ZFHX4: variants seen among roughly 807,000 people sequenced by gnomAD.
ZFHX4 encodes zinc finger homeobox protein 4.
A neutral mutation model predicts 267.6 loss-of-function variants in ZFHX4; 56 were observed. The ratio of observed to expected loss-of-function variants is 0.21; its 90% confidence interval spans 0.17 to 0.26. The LOEUF (loss-of-function observed/expected upper bound fraction) is 0.26, where lower values mean the gene tolerates loss of function less well. ZFHX4 is among the 10% of genes least tolerant of loss of function. ZFHX4 has a pLI of 1.00. For synonymous variants in ZFHX4, 1,778 were observed against 1,665.6 expected (o/e 1.07, Z -1.64); for missense variants, 4,332 against 4,420.0 (o/e 0.98, Z 0.56).
intron 3 of ZFHX4, among the ~76,000 whole-genome samples, chr8:76,746,629 T>C (rs1360381356): frequency 6.6e-6 from 1 of 152,214 alleles, no homozygotes; most frequent in Non-Finnish European, 1.5e-5. Flanking sequence ...TCTGTTCAGA[T>C]TGTGTAAAAT....
At chr8:76,791,960 A>T (rs1357436740) in intron 4 of ZFHX4, among the ~76,000 whole-genome samples, 5 of 152,184 alleles carry the variant, frequency 3.3e-5, no homozygotes, top group African/African-American at 7.2e-5. Flanking sequence ...CTATACAACC[A>T]TGAAACCTTT....
intron 4 of ZFHX4, among the ~76,000 whole-genome samples, chr8:76,809,927 C>T (rs1317930676): frequency 6.6e-6 from 1 of 152,000 alleles, no homozygotes; most frequent in East Asian, 1.9e-4. Flanking sequence ...TATTTTTATT[C>T]CGAAGACCCA....
intron 3 of ZFHX4, among the ~76,000 whole-genome samples, chr8:76,764,469 A>G (rs1486330965): frequency 1.3e-5 from 2 of 152,310 alleles, no homozygotes; most frequent in East Asian, 3.9e-4. Context: ...GGATGATTAA[A>G]CATTGGTACA....
chr8:76,724,683 CTTTTGGTAAA>C (rs1258149113), intron 3 of ZFHX4, among the ~76,000 whole-genome samples: 1 of 152,010 alleles, frequency 6.6e-6, no homozygotes, highest in African/African-American at 2.4e-5. Flanking sequence ...GTAAGAATAT[CTTTTGGTAAA>C]TTTTTGGAAT....
chr8:76,840,779 G>C (rs1451658657), intron 5 of ZFHX4, among the ~76,000 whole-genome samples: 3 of 152,094 alleles, frequency 2.0e-5, no homozygotes, highest in Admixed American at 6.5e-5. Context: ...CATAGGTCGC[G>C]AACTAGAGAT....
chr8:76,770,602 A>G (rs1029500674), intron 3 of ZFHX4, among the ~76,000 whole-genome samples: 1 of 152,174 alleles, frequency 6.6e-6, no homozygotes, highest in Admixed American at 6.5e-5. Context: ...AGTCTGGGAG[A>G]GAATGCAATC....
chr8:76,691,074 A>G (rs1807812229), intron 1 of ZFHX4, among the ~76,000 whole-genome samples: 1 of 152,100 alleles, frequency 6.6e-6, no homozygotes, highest in Non-Finnish European at 1.5e-5. Flanking sequence ...CTCTAGGACC[A>G]GTGGTCACTC....
chr8:76,731,790 G>A (rs982051324), intron 3 of ZFHX4, among the ~76,000 whole-genome samples: 2 of 151,362 alleles, frequency 1.3e-5, no homozygotes, highest in Non-Finnish European at 2.9e-5. Flanking sequence ...ACTAATTTTA[G>A]CTAGCATCTT....
chr8:76,780,499 C>T (rs2131778267), intron 4 of ZFHX4, among the ~76,000 whole-genome samples: 1 of 152,178 alleles, frequency 6.6e-6, no homozygotes, highest in South Asian at 2.1e-4. Context: ...TTTTATAAGT[C>T]CCTTGCTAAT....
intron 3 of ZFHX4, among the ~76,000 whole-genome samples, chr8:76,770,189 A>G (rs1285037479): frequency 2.0e-5 from 3 of 152,192 alleles, no homozygotes; most frequent in Non-Finnish European, 4.4e-5. Flanking sequence ...AACAAATTCT[A>G]TCTAGACATC....
Position 76,849,371 on chromosome 8 carries a change from A to G in ZFHX4, c.3646-141A>G, listed in dbSNP as rs910259079. 21 of 866,108 alleles carry G rather than the reference A, an allele frequency of 2.4e-5. No individual in the cohort carries two copies. In the African/African-American group the frequency reaches 3.0e-4, roughly 12 times the overall value. 53.7% of individuals were successfully genotyped at this position (866,108 alleles called of 1,614,324 possible). A position where few individuals can be genotyped will look rare whatever the true frequency, so the allele number is the denominator to read the frequency against. On this transcript the variant is annotated intron_variant, in intron 7 of 10. Transcript: ENST00000651372. ...AAATAGTGAATGTCTGAGGTGATGG[A>G]TATCCCATTTACCCTGATTTGATTA...
chr8:76,806,928 C>G (rs1253986903), intron 4 of ZFHX4, among the ~76,000 whole-genome samples: 1 of 151,968 alleles, frequency 6.6e-6, no homozygotes, highest in Non-Finnish European at 1.5e-5. Flanking sequence ...AGTGCTTAAG[C>G]CAATTGTTAC....
chr8:76,854,517 CA>C lies in ZFHX4; in HGVS notation c.7597del (p.Met2533TrpfsTer6). On this transcript the variant is annotated frameshift_variant, in exon 10 of 11. Coordinates refer to ENST00000651372, the MANE Select transcript of ZFHX4 (RefSeq NM_024721.5). LOFTEE classifies it high-confidence loss of function. ...TTCACTCTCCGTTCTTGGAAAGGCC[CA>C]TGGACATGCCCTACATGATATTTGA... ...FLHSPFLERP[M>X]DMPYMIFDPN... The C allele has an allele frequency of 6.2e-7, 1 of 1,613,818 alleles. No individual in the cohort carries two copies. The highest frequency in any genetic ancestry group is 8.5e-7 in the Non-Finnish European group (1 of 1,179,864).
chr8:76,769,579 T>C lies in ZFHX4; in HGVS notation c.3094-8629T>C, dbSNP rs576762385. Among the ~76,000 whole-genome samples, 35 of 152,284 alleles carry C rather than the reference T, an allele frequency of 2.3e-4. No homozygotes were observed. In the East Asian group the frequency reaches 6.8e-3, roughly 29 times the overall value. On this transcript the variant is annotated intron_variant, in intron 3 of 10. Transcript: ENST00000651372. The stretch of plus-strand genomic sequence containing the variant: ...TTAGCCCAGGCTGGTCTTGAATTCC[T>C]GGGCTCAAGCCATCTGCCTGCCTCA...
At position 76,855,033 on chromosome 8, in the gene ZFHX4, G is replaced by A. The variant is rs763284874; in HGVS notation, c.8112G>A (p.Gln2704=). ...CTCGGCACTGGAATGAAGGAAAGCA[G>A]GCAGGTTACAGCTTGCCACCAAGCC... The part of the protein sequence containing the change: ...IRSRHWNEGK[Q]AGYSLPPSPL... Residue 2704 remains glutamine, a synonymous_variant, in exon 10 of 11, where the codon CAG becomes CAA. Coordinates refer to ENST00000651372, the MANE Select transcript of ZFHX4 (RefSeq NM_024721.5). 3.1e-6 allele frequency: 5 copies of A among 1,613,828 alleles called. No homozygotes were observed. In the African/African-American group the frequency reaches 6.7e-5, roughly 22 times the overall value.
chr8:76,754,826 A>G (rs987049277), intron 3 of ZFHX4, among the ~76,000 whole-genome samples: 7 of 152,164 alleles, frequency 4.6e-5, no homozygotes, highest in Non-Finnish European at 7.3e-5. Flanking sequence ...TATATTCATT[A>G]ACCAACCTCT....
At chr8:76,747,805 A>G (rs1294131915) in intron 3 of ZFHX4, among the ~76,000 whole-genome samples, 1 of 151,906 alleles carries the variant, frequency 6.6e-6, no homozygotes, top group East Asian at 1.9e-4. Flanking sequence ...GGTGGCAAGC[A>G]CCTGTAAACC....
intron 3 of ZFHX4, among the ~76,000 whole-genome samples, chr8:76,746,906 G>A (rs976158430): frequency 6.6e-6 from 1 of 152,056 alleles, no homozygotes. Flanking sequence ...CTCGACTAAT[G>A]GATTCTTTCA....
intron 1 of ZFHX4, among the ~76,000 whole-genome samples, chr8:76,701,543 G>A (rs1808103440): frequency 6.6e-6 from 1 of 152,128 alleles, no homozygotes; most frequent in Non-Finnish European, 1.5e-5. Flanking sequence ...TCTACTTTAT[G>A]TAGAGAAACA....
Sources: gnomAD v4.1 joint callset for allele counts (sites outside exome capture counted in the v4.1 genomes callset) on GRCh38, gnomAD v4.1.1 for gene constraint, MANE v1.5 for transcripts, NCBI Gene and HGNC (gene_info 2026-07-23, HGNC 2026-07-21) for gene names.